The following RIC1 variants were observed in gnomAD, a reference collection of about 807,000 sequenced individuals.
RIC1 encodes the protein guanine nucleotide exchange factor subunit RIC1.
A neutral mutation model predicts 169.0 loss-of-function variants in RIC1; 88 were observed. The observed-to-expected ratio is 0.52, with a 90% confidence interval of 0.44 to 0.62. RIC1 has a LOEUF of 0.62. RIC1 is among the 20% of genes least tolerant of loss of function. The probability of loss-of-function intolerance (pLI) is 0.00; values close to 1 mark genes in which losing one functional copy is unlikely to be tolerated. For missense variants in RIC1, 1,877 were observed against 1,725.5 expected, an observed-to-expected ratio of 1.09 and a Z score of -1.56; for synonymous variants, 790 against 601.5, an observed-to-expected ratio of 1.31 and a Z score of -4.59.
chr9:5,661,464 G>A (rs973799296), intron 2 of RIC1, among the ~76,000 whole-genome samples: 8 of 152,128 alleles, frequency 5.3e-5, no homozygotes, highest in African/African-American at 1.9e-4. Flanking sequence ...TCCTAGCCAT[G>A]AACATGGAAT....
chr9:5,729,951 C>G (rs1376105430), intron 6 of RIC1, among the ~76,000 whole-genome samples: 1 of 151,892 alleles, frequency 6.6e-6, no homozygotes, highest in Non-Finnish European at 1.5e-5. Context: ...GTGATTGACT[C>G]TTTTCCAAGT....
At chr9:5,690,091 CA>C (rs1453291566) in intron 3 of RIC1, 53 bp downstream of exon 3, 24 of 1,211,920 alleles carry the variant, frequency 2.0e-5, no homozygotes, top group Non-Finnish European at 2.7e-5. Flanking sequence ...ACTTTATATT[CA>C]GAAAAACATT....
chr9:5,630,298 A>T (rs771389571), intron 1 of RIC1, among the ~76,000 whole-genome samples: 3 of 152,192 alleles, frequency 2.0e-5, no homozygotes, highest in African/African-American at 7.2e-5. Flanking sequence ...AACTTTGTCT[A>T]TGAGAACGAC....
intron 2 of RIC1, among the ~76,000 whole-genome samples, chr9:5,685,847 A>G (rs1821185491): frequency 3.0e-5 from 4 of 135,436 alleles, no homozygotes; most frequent in East Asian, 2.7e-4. Flanking sequence ...GCAACCTACA[A>G]CATGGGAGAA....
At chr9:5,740,337 C>G (rs536287737) in intron 8 of RIC1, among the ~76,000 whole-genome samples, 42 of 152,056 alleles carry the variant, frequency 2.8e-4, no homozygotes, top group African/African-American at 1.0e-3. Context: ...ATTAGGCAGC[C>G]AACTCTAGAA....
At chr9:5,757,288 A>G (rs2131061027) in intron 16 of RIC1, 25 bp from the exon 17 acceptor site, 1 of 1,612,766 alleles carries the variant, frequency 6.2e-7, no homozygotes, top group Non-Finnish European at 8.5e-7. Flanking sequence ...TTGTTGAGGT[A>G]TGTGGGTTTC....
intron 1 of RIC1, among the ~76,000 whole-genome samples, chr9:5,638,675 T>C (rs899139989): frequency 1.3e-4 from 20 of 152,212 alleles, no homozygotes; most frequent in Non-Finnish European, 1.0e-4. Context: ...GCGGTATCAA[T>C]TGTAATATCT....
rs1001186704 is a variant in RIC1 at position 5,763,371 on chromosome 9, C to A, written c.2344C>A (p.Leu782Met). The A allele has an allele frequency of 6.2e-7, 1 of 1,614,030 alleles. No homozygotes were observed. The highest frequency in any genetic ancestry group is 1.3e-5 in the African/African-American group (1 of 74,902). The change falls in exon 19 of 26, where the codon CTG becomes ATG. Residue 782 changes from leucine to methionine, a missense_variant. Leu to Met is a conservative substitution (Grantham distance 15). Around this residue, in one of 3 missense-constraint regions of RIC1, gnomAD observed 1,104 missense variants for 992.0 expected, o/e 1.11. Coordinates refer to ENST00000414202, the MANE Select transcript of RIC1 (RefSeq NM_020829.4). This position sits in a 1 kb window ranked among gnomAD's most constrained non-coding sequence, Gnocchi z 5.2. ...FHINIYPLAV[L>M]FEDALVLGAV... The stretch of plus-strand genomic sequence containing the variant: ...CATCAACATTTACCCGCTAGCTGTT[C>A]TGTTTGAAGATGCTTTAGTCCTTGG...
At chr9:5,734,602 T>C (rs978447435) in intron 7 of RIC1, among the ~76,000 whole-genome samples, 1 of 111,668 alleles carries the variant, frequency 9.0e-6, no homozygotes, top group African/African-American at 3.1e-5. Flanking sequence ...CAGATATTCA[T>C]AGTTTTAACG....
intron 10 of RIC1, among the ~76,000 whole-genome samples, chr9:5,745,572 C>T (rs1219091118): frequency 6.6e-6 from 1 of 152,136 alleles, no homozygotes; most frequent in Admixed American, 6.6e-5. Context: ...ACTGGGTAAC[C>T]TGGGGTGTCT....
intron 3 of RIC1, among the ~76,000 whole-genome samples, chr9:5,704,384 G>C (rs1007800899): frequency 1.3e-5 from 2 of 151,636 alleles, no homozygotes; most frequent in Non-Finnish European, 2.9e-5. Context: ...CTAATTTTTT[G>C]ATTTTTTTGT....
At chr9:5,727,905 G>A (rs1177168250) in intron 6 of RIC1, among the ~76,000 whole-genome samples, 2 of 152,188 alleles carry the variant, frequency 1.3e-5, no homozygotes, top group African/African-American at 4.8e-5. Context: ...CTTCTGGAAG[G>A]TTCATCTTAG....
At chr9:5,700,332 A>T (rs1822138924) in intron 3 of RIC1, among the ~76,000 whole-genome samples, 1 of 152,154 alleles carries the variant, frequency 6.6e-6, no homozygotes. Context: ...TAATGTATTC[A>T]GCTGTTTCAT....
rs372470103 is a variant in RIC1 at position 5,753,296 on chromosome 9, A to G, written c.1491+58A>G. 8.7e-6 allele frequency: 13 copies of G among 1,493,342 alleles called. No individual in the cohort carries two copies. In the South Asian group the frequency reaches 1.1e-4, roughly 13 times the overall value. The allele number at this position is 1,493,342 out of a possible 1,614,324, so 92.5% of individuals were successfully genotyped here. A position where few individuals can be genotyped will look rare whatever the true frequency, so the allele number is the denominator to read the frequency against. The stretch of plus-strand genomic sequence containing the variant: ...TTGACTAGCATTTGCTGCAAGAGGC[A>G]TTCTGGGAAGAGCCCTTCAGTGGGT... On this transcript the variant is annotated intron_variant, in intron 13 of 25. Coordinates refer to ENST00000414202, the MANE Select transcript of RIC1 (RefSeq NM_020829.4).
intron 1 of RIC1, among the ~76,000 whole-genome samples, chr9:5,637,063 G>C (rs1818005638): frequency 6.6e-6 from 1 of 151,676 alleles, no homozygotes; most frequent in East Asian, 1.9e-4. Flanking sequence ...TTTTTTGTTT[G>C]TTTGTTTGTT....
intron 2 of RIC1, among the ~76,000 whole-genome samples, chr9:5,685,004 A>C (rs555496649): frequency 1.0e-3 from 156 of 152,098 alleles, no homozygotes; most frequent in Non-Finnish European, 9.8e-4. Context: ...GCATTCTTGG[A>C]TAAACCTCAT....
At chr9:5,716,134 C>T (rs1443624644) in intron 4 of RIC1, among the ~76,000 whole-genome samples, 1 of 152,052 alleles carries the variant, frequency 6.6e-6, no homozygotes, top group Admixed American at 6.5e-5. Flanking sequence ...GTTGAGCCAC[C>T]ACACCCAGCC....
intron 10 of RIC1, 104 bp downstream of exon 10, chr9:5,743,841 TAC>T: frequency 1.2e-6 from 1 of 829,278 alleles, no homozygotes; most frequent in Non-Finnish European, 1.9e-6. Context: ...GACAGGGTCT[TAC>T]ACTGTCACCC....
rs544997448 is a variant in RIC1, at chr9:5,672,668, C to A, written c.252+15978C>A. On this transcript the variant is annotated intron_variant, in intron 2 of 25. Coordinates refer to ENST00000414202, the MANE Select transcript of RIC1 (RefSeq NM_020829.4). ...TTTAGGAAATAATAGAAGAAACTTACCTAGTTTAGAAACATTGAAGGTTGT... is the reference window on the plus strand; with the variant it reads ...TTTAGGAAATAATAGAAGAAACTTAACTAGTTTAGAAACATTGAAGGTTGT... Among the ~76,000 whole-genome samples the A allele has an allele frequency of 2.0e-5, 3 of 152,196 alleles. No individual in the cohort carries two copies. In the South Asian group the frequency reaches 6.2e-4, roughly 32 times the overall value.
Sources: allele counts gnomAD v4.1 joint callset (sites outside exome capture counted in the v4.1 genomes callset), GRCh38; gene constraint gnomAD v4.1.1; regional missense constraint gnomAD v4.1.1; non-coding constraint Gnocchi (gnomAD v3.1); transcripts MANE v1.5; gene names NCBI Gene and HGNC (gene_info 2026-07-23, HGNC 2026-07-21).